TSPOAP1: variants seen among roughly 807,000 people sequenced by gnomAD.
TSPOAP1 encodes the protein TSPO associated protein 1, also known as peripheral-type benzodiazepine receptor-associated protein 1.
In TSPOAP1, 87 loss-of-function variants were observed where a neutral mutation model predicts 197.0. That is an observed-to-expected ratio of 0.44 (90% CI 0.37 to 0.53). The LOEUF is 0.53. TSPOAP1 is among the 20% of genes least tolerant of loss of function. The pLI is 0.00. For missense variants in TSPOAP1, 2,174 were observed against 2,411.3 expected, an observed-to-expected ratio of 0.90 and a Z score of 2.06; for synonymous variants, 913 against 998.9, an observed-to-expected ratio of 0.91 and a Z score of 1.62.
In TSPOAP1 at chr17:58,318,272, G is replaced by A; in HGVS notation, c.1872+8C>T. 3 of 1,613,776 alleles carry A rather than the reference G, an allele frequency of 1.9e-6. No individual in the cohort carries two copies. The highest frequency in any genetic ancestry group is 2.5e-6 in the Non-Finnish European group (3 of 1,179,674). On this transcript the variant is annotated splice_region_variant and intron_variant, in intron 14 of 31. Coordinates refer to ENST00000343736, the MANE Select transcript of TSPOAP1 (RefSeq NM_004758.4). ...AGCCAGAACTTCAGGCCCCACCCCA[G>A]CAATTACCTCAGGTGTAGGGCATGA... is the stretch of plus-strand genomic sequence containing the variant.
rs892668330 is a variant in TSPOAP1, at chr17:58,312,088, A to G, written c.2733T>C (p.His911=). ...TWVPGNSNLA[H]AIYLNGEECP... is the part of the protein sequence containing the mutation. Reference sequence around the variant, plus strand: ...ACTCTTCCCCATTGAGGTAGATGGCATGGGCCAAGTTGCTATTGCCGGGCA... The same window carrying G: ...ACTCTTCCCCATTGAGGTAGATGGCGTGGGCCAAGTTGCTATTGCCGGGCA... Residue 911 remains histidine, a synonymous_variant, in exon 17 of 32, where the codon CAT becomes CAC. Coordinates refer to ENST00000343736, the MANE Select transcript of TSPOAP1 (RefSeq NM_004758.4). The G allele has an allele frequency of 9.3e-6, 15 of 1,613,288 alleles. No individual in the cohort carries two copies. Among genetic ancestry groups the G allele is most frequent in the African/African-American group, 1.3e-5 (1 of 74,938 alleles).
rs754811570 is a variant in TSPOAP1 at position 58,320,136 on chromosome 17, C to A, written c.1474-7G>T. On this transcript the variant is annotated splice_region_variant and splice_polypyrimidine_tract_variant and intron_variant, in intron 11 of 31. Coordinates refer to ENST00000343736, the MANE Select transcript of TSPOAP1 (RefSeq NM_004758.4). The stretch of plus-strand genomic sequence containing the variant: ...GCATGGAATCCAAGGTAGACTGTTG[C>A]AGGAAAGGAAGCAGAGAACAGGTTA... 1 of 1,614,102 alleles carries A rather than the reference C, an allele frequency of 6.2e-7. No individual in the cohort carries two copies.
Position 58,311,227 on chromosome 17 carries a change from G to C in TSPOAP1, c.3082-14C>G. ...CACCTCCATGATCTGCAGGGTGGAG[G>C]GGGCACAGGATGGGAAGCAGAGGCT... On this transcript the variant is annotated splice_polypyrimidine_tract_variant and intron_variant, in intron 18 of 31. Transcript: ENST00000343736. 6.2e-7 allele frequency: 1 copy of C among 1,609,026 alleles called. No individual in the cohort carries two copies. The highest frequency in any genetic ancestry group is 8.5e-7 in the Non-Finnish European group (1 of 1,179,172).
At position 58,309,837 on chromosome 17, in the gene TSPOAP1, G is replaced by A. The variant is rs1598060806; in HGVS notation, c.3891+130C>T. ...TGGGGCACTTCCTATCTTCTGCTTA[G>A]GACAGGGCCCAGGCCACAGACCTAG... On this transcript the variant is annotated intron_variant, in intron 21 of 31. Coordinates refer to ENST00000343736, the MANE Select transcript of TSPOAP1 (RefSeq NM_004758.4). This position sits in a 1 kb window ranked among gnomAD's most constrained non-coding sequence, Gnocchi z 5.0. The A allele has an allele frequency of 4.7e-6, 6 of 1,265,274 alleles. No homozygotes were observed. Among genetic ancestry groups the A allele is most frequent in the East Asian group, 4.7e-5 (2 of 42,814 alleles). 78.4% of individuals were successfully genotyped at this position (1,265,274 alleles called of 1,614,324 possible).
In TSPOAP1 at chr17:58,317,592, C is replaced by T. The variant is rs561060474; in HGVS notation, c.1872+688G>A. Among the ~76,000 whole-genome samples, 16 of 152,322 alleles carry T rather than the reference C, an allele frequency of 1.1e-4. No individual in the cohort carries two copies. The South Asian group carries it at 2.9e-3, about 28-fold the overall frequency. On this transcript the variant is annotated intron_variant, in intron 14 of 31. Transcript: ENST00000343736. ...AGGGGGCAATAGAGGCCCAGGGCTT[C>T]GTTCTACCACTTTCTGAATGTTTGG...
Position 58,325,563 on chromosome 17 carries a change from GCTCCCTGCA to G in TSPOAP1, c.712_720del (p.Cys238_Glu240del). 1.2e-6 allele frequency: 2 copies of G among 1,612,906 alleles called. No individual in the cohort carries two copies. Among genetic ancestry groups the G allele is most frequent in the Non-Finnish European group, 1.7e-6 (2 of 1,180,032 alleles). On this transcript the variant is annotated inframe_deletion, in exon 4 of 32. Transcript: ENST00000343736. ...CCCACCAGAGTGAGCCTGGCCTGCA[GCTCCCTGCA>G]CTCCCGCTGCAAGGCAGCAATCTGC...
chr17:58,311,360 C>T (rs1315437796), intron 18 of TSPOAP1, 147 bp from the exon 19 acceptor site: 1 of 1,290,610 alleles, frequency 7.7e-7, no homozygotes, highest in African/African-American at 1.5e-5. Flanking sequence ...TGGCCTATCT[C>T]ATTTCATCCT....
Position 58,309,341 on chromosome 17 carries a change from C to T in TSPOAP1, c.3931G>A (p.Glu1311Lys). Residue 1311 changes from glutamate to lysine, a missense_variant, in exon 22 of 32, where the codon GAG becomes AAG. Transcript: ENST00000343736. This position sits in a 1 kb window ranked among gnomAD's most constrained non-coding sequence, Gnocchi z 5.0. The stretch of plus-strand genomic sequence containing the variant: ...AGCTCCAGGATCTGCTCCAAGATCT[C>T]CTCATCGCTGTCAGTCTCACAAAAG... ...DPFCETDSDEEILEQILELPL... is the reference protein window; with the variant it reads ...DPFCETDSDEKILEQILELPL... 1.2e-6 allele frequency: 2 copies of T among 1,613,210 alleles called. No homozygotes were observed. The highest frequency in any genetic ancestry group is 1.1e-5 in the South Asian group (1 of 91,080).
intron 22 of TSPOAP1, among the ~76,000 whole-genome samples, chr17:58,308,269 C>T (rs1159037889): frequency 2.0e-5 from 3 of 152,260 alleles, no homozygotes; most frequent in Non-Finnish European, 4.4e-5. Context: ...CGTCCTGAAG[C>T]CATTACTAGC....
chr17:58,308,666 G>C lies in TSPOAP1; in HGVS notation c.4606C>G (p.Pro1536Ala), dbSNP rs567908990. 1.2e-6 allele frequency: 2 copies of C among 1,612,292 alleles called. No homozygotes were observed. Among genetic ancestry groups the C allele is most frequent in the Admixed American group, 1.7e-5 (1 of 59,976 alleles). ...EAWGTATVGR[P>A]RGPPKANSGP... ...GAATTGGCCTTCGGAGGCCCCCTGG[G>C]CCTTCCTACAGTTGCTGTGCCCCAG... Residue 1536 changes from proline to alanine, a missense_variant, in exon 22 of 32, where the codon CCC becomes GCC. Pro to Ala is a conservative substitution (Grantham distance 27, BLOSUM62 -1). This residue lies in a region of TSPOAP1 where 1,933 missense variants were observed against 2,139.0 expected (regional missense o/e 0.90). Coordinates refer to ENST00000343736, the MANE Select transcript of TSPOAP1 (RefSeq NM_004758.4).
intron 1 of TSPOAP1, among the ~76,000 whole-genome samples, chr17:58,327,312 A>G (rs61293392): frequency 0.017 from 2,537 of 152,270 alleles, 59 homozygotes; most frequent in African/African-American, 0.056. Flanking sequence ...CACTGTCAGG[A>G]GGAGGCACAG....
chr17:58,305,112 A>G lies in TSPOAP1; in HGVS notation c.5493T>C (p.Pro1831=), dbSNP rs768277493. The G allele has an allele frequency of 6.2e-7, 1 of 1,613,978 alleles. No individual in the cohort carries two copies. The highest frequency in any genetic ancestry group is 1.1e-5 in the South Asian group (1 of 91,078). Residue 1831 remains proline (P), a synonymous_variant, in exon 30 of 32, where the codon CCT becomes CCC. Transcript: ENST00000343736. ...GTTCCCTGTCCAGGCCGCCTGCCTC[A>G]GGCCCAGGGCCCTCCAGGAAGTTGG... ...VPSNFLEGPG[P]EAGGLDREPR...
intron 11 of TSPOAP1, among the ~76,000 whole-genome samples, 169 bp downstream of exon 11, chr17:58,320,362 C>T (rs932964457): frequency 1.6e-4 from 25 of 152,186 alleles, no homozygotes; most frequent in Admixed American, 1.4e-3. Context: ...GCCGTGCCCA[C>T]CCTGAGAAAT....
In TSPOAP1 at chr17:58,309,398, G is replaced by A. The variant is rs1294484515; in HGVS notation, c.3892-18C>T. Reference sequence around the variant, plus strand: ...GGCTGGGACTGGTGGAGGTGGGGAGGTGGGAGTAGAACACAGCAGGGAAGA... The same window carrying A: ...GGCTGGGACTGGTGGAGGTGGGGAGATGGGAGTAGAACACAGCAGGGAAGA... On this transcript the variant is annotated intron_variant, in intron 21 of 31. Coordinates refer to ENST00000343736, the MANE Select transcript of TSPOAP1 (RefSeq NM_004758.4). The surrounding 1 kb of genome is among the most constrained non-coding windows in gnomAD (Gnocchi z 5.0). 1 of 1,596,606 alleles carries A rather than the reference G, an allele frequency of 6.3e-7. No individual in the cohort carries two copies. Among genetic ancestry groups the A allele is most frequent in the Non-Finnish European group, 8.5e-7 (1 of 1,173,714 alleles).
At position 58,309,338 on chromosome 17, in the gene TSPOAP1, TCTC is replaced by T. The variant is rs749516017; in HGVS notation, c.3931_3933del (p.Glu1311del). On this transcript the variant is annotated inframe_deletion, in exon 22 of 32. Transcript: ENST00000343736. This position sits in a 1 kb window ranked among gnomAD's most constrained non-coding sequence, Gnocchi z 5.0. ...GGCAGCTCCAGGATCTGCTCCAAGA[TCTC>T]CTCATCGCTGTCAGTCTCACAAAAG... 5.0e-6 allele frequency: 8 copies of T among 1,612,906 alleles called. No individual in the cohort carries two copies. In the African/African-American group the frequency reaches 6.7e-5, roughly 13 times the overall value.
intron 4 of TSPOAP1, 163 bp downstream of exon 4, chr17:58,325,371 C>T: frequency 1.1e-6 from 1 of 870,128 alleles, no homozygotes; most frequent in South Asian, 1.7e-5. Flanking sequence ...GCTCCACCCC[C>T]TTCTCCCCTC....
chr17:58,319,296 T>C lies in TSPOAP1; in HGVS notation c.1495-2A>G. On this transcript the variant is annotated splice_acceptor_variant, in intron 12 of 31. Transcript: ENST00000343736. LOFTEE classifies it high-confidence loss of function. Reference sequence around the variant, plus strand: ...TTCTTCGAGCTCTCGAACCCGGGCCTGGGCCAAGACCCACCATGAGCCGCC... The same window carrying C: ...TTCTTCGAGCTCTCGAACCCGGGCCCGGGCCAAGACCCACCATGAGCCGCC... 6.4e-7 allele frequency: 1 copy of C among 1,570,602 alleles called. No individual in the cohort carries two copies. Among genetic ancestry groups the C allele is most frequent in the Non-Finnish European group, 8.6e-7 (1 of 1,157,824 alleles).
chr17:58,322,055 T>G lies in TSPOAP1; in HGVS notation c.1422+253A>C. 2.0e-6 allele frequency: 1 copy of G among 511,026 alleles called. No homozygotes were observed. The highest frequency in any genetic ancestry group is 3.5e-6 in the Non-Finnish European group (1 of 287,802). 31.7% of individuals were successfully genotyped at this position (511,026 alleles called of 1,614,324 possible). On this transcript the variant is annotated intron_variant, in intron 10 of 31. Coordinates refer to ENST00000343736, the MANE Select transcript of TSPOAP1 (RefSeq NM_004758.4). The surrounding 1 kb of genome is among the most constrained non-coding windows in gnomAD (Gnocchi z 5.0). The stretch of plus-strand genomic sequence containing the variant: ...CAGGGAGGCCTTCCCTGATGACCTC[T>G]AAAGTGGCTCCTCACCCCATCCCAG...
rs757474536 is a variant in TSPOAP1 at position 58,307,893 on chromosome 17, C to T, written c.4780G>A (p.Gly1594Ser). 3.7e-6 allele frequency: 6 copies of T among 1,613,548 alleles called. No individual in the cohort carries two copies. In the South Asian group the frequency reaches 5.5e-5, roughly 15 times the overall value. ...ARGQDGSGRR[G>S]PQKRGVRVLR... ...ACTCGGACACCTCTCTTCTGGGGGCCCCTCCGCCCAGAGCCGTCCTGCCCT... is the reference window on the plus strand; with the variant it reads ...ACTCGGACACCTCTCTTCTGGGGGCTCCTCCGCCCAGAGCCGTCCTGCCCT... The change falls in exon 23 of 32, where the codon GGC becomes AGC. Residue 1594 changes from glycine to serine, a missense_variant. This residue lies in a region of TSPOAP1 where 1,933 missense variants were observed against 2,139.0 expected (regional missense o/e 0.90). Coordinates refer to ENST00000343736, the MANE Select transcript of TSPOAP1 (RefSeq NM_004758.4).
Sources: allele counts gnomAD v4.1 joint callset (sites outside exome capture counted in the v4.1 genomes callset), GRCh38; gene constraint gnomAD v4.1.1; regional missense constraint gnomAD v4.1.1; non-coding constraint Gnocchi (gnomAD v3.1); transcripts MANE v1.5; gene names NCBI Gene and HGNC (gene_info 2026-07-23, HGNC 2026-07-21).